SORBS2: variants seen among roughly 807,000 people sequenced by gnomAD.
SORBS2 encodes the protein sorbin and SH3 domain-containing protein 2.
Under a neutral mutation model 97.7 loss-of-function variants are expected in SORBS2, and 46 were observed. The observed-to-expected ratio is 0.47, with a 90% CI of 0.37 to 0.60. The LOEUF is 0.60. SORBS2 is among the 20% of genes least tolerant of loss of function. The pLI is 0.00. For missense variants in SORBS2, 1,316 were observed against 1,282.3 expected, an observed-to-expected ratio of 1.03 and a Z score of -0.40; for synonymous variants, 476 against 473.4, an observed-to-expected ratio of 1.01 and a Z score of -0.07.
rs752371446 is a variant in SORBS2 at position 185,646,622 on chromosome 4, G to A, written c.396+46C>T. Reference sequence around the variant, plus strand: ...AAATTCAGGTTTATTGGGGAGCCCTGGGAGCCCAGCGAGCTGGCATATTCT... The same window carrying A: ...AAATTCAGGTTTATTGGGGAGCCCTAGGAGCCCAGCGAGCTGGCATATTCT... On this transcript the variant is annotated intron_variant, in intron 4 of 14. Coordinates refer to ENST00000418609, the Ensembl canonical transcript of SORBS2. 41 of 1,228,296 alleles carry A rather than the reference G, an allele frequency of 3.3e-5. 1 individual carries two copies. In the East Asian group the frequency reaches 9.6e-4, roughly 29 times the overall value. The allele number at this position is 1,228,296 out of a possible 1,614,324, so 76.1% of individuals were successfully genotyped here.
At chr4:185,743,428 C>T (rs183116857) in intron 2 of SORBS2, among the ~76,000 whole-genome samples, 41 of 152,284 alleles carry the variant, frequency 2.7e-4, no homozygotes, top group African/African-American at 7.2e-4. Flanking sequence ...AATAGCCCTT[C>T]GGAAGCAAAA....
intron 2 of SORBS2, among the ~76,000 whole-genome samples, chr4:185,725,213 T>C (rs1231529853): frequency 6.6e-6 from 1 of 152,202 alleles, no homozygotes; most frequent in African/African-American, 2.4e-5. Flanking sequence ...CTAGAAACCA[T>C]CACAGCCTGC....
chr4:185,845,724 TA>T (rs1263560627), intron 1 of SORBS2, among the ~76,000 whole-genome samples: 6 of 151,910 alleles, frequency 3.9e-5, no homozygotes, highest in African/African-American at 1.5e-4. Flanking sequence ...CAACCCAATT[TA>T]AAAAAAGAAG....
chr4:185,791,838 T>C (rs1430417284), intron 1 of SORBS2, among the ~76,000 whole-genome samples: 1 of 152,166 alleles, frequency 6.6e-6, no homozygotes, highest in Non-Finnish European at 1.5e-5. Flanking sequence ...AGACTCTGGA[T>C]TCCTTTTAAA....
chr4:185,890,564 C>T (rs13132743), intron 1 of SORBS2, among the ~76,000 whole-genome samples: 6 of 152,306 alleles, frequency 3.9e-5, no homozygotes, highest in South Asian at 4.1e-4. Flanking sequence ...CACCCGCTTC[C>T]GGACTCCCCC....
At chr4:185,865,024 G>T (rs1053981455) in intron 1 of SORBS2, among the ~76,000 whole-genome samples, 2 of 152,056 alleles carry the variant, frequency 1.3e-5, no homozygotes, top group Non-Finnish European at 1.5e-5. Flanking sequence ...CGATGCTTTG[G>T]GCTCAATCTT....
At chr4:185,834,297 A>G (rs1387385174) in intron 1 of SORBS2, among the ~76,000 whole-genome samples, 2 of 152,144 alleles carry the variant, frequency 1.3e-5, no homozygotes, top group Admixed American at 1.3e-4. Flanking sequence ...ACCTCCCACC[A>G]GGCTCCACCT....
chr4:185,686,737 A>G (rs1466905583), intron 2 of SORBS2, among the ~76,000 whole-genome samples: 1 of 152,232 alleles, frequency 6.6e-6, no homozygotes, highest in Non-Finnish European at 1.5e-5. Flanking sequence ...TCACAAGCAC[A>G]TAGGTGAAAA....
chr4:185,792,381 C>T (rs936895415), intron 1 of SORBS2, among the ~76,000 whole-genome samples: 1 of 152,122 alleles, frequency 6.6e-6, no homozygotes, highest in Non-Finnish European at 1.5e-5. Flanking sequence ...GTAATCTCAG[C>T]TCCTCAGGAG....
chr4:185,707,599 G>T (rs2013570), intron 2 of SORBS2, among the ~76,000 whole-genome samples: 59,999 of 151,546 alleles, frequency 0.4, 13,696 homozygotes, highest in South Asian at 0.54. Context: ...TCACAATTCC[G>T]TGGTGGTAGT....
intron 2 of SORBS2, among the ~76,000 whole-genome samples, chr4:185,744,444 C>G (rs1165694173): frequency 6.6e-6 from 1 of 152,194 alleles, no homozygotes; most frequent in Non-Finnish European, 1.5e-5. Context: ...AGTCCATTGA[C>G]TATTTTAGAC....
intron 1 of SORBS2, among the ~76,000 whole-genome samples, chr4:185,867,926 T>C (rs1364990128): frequency 6.6e-6 from 1 of 151,902 alleles, no homozygotes; most frequent in Non-Finnish European, 1.5e-5. Context: ...ATAGCACAAA[T>C]AGTGTCCCAG....
At chr4:185,760,495 G>A (rs2098873215) in intron 2 of SORBS2, among the ~76,000 whole-genome samples, 1 of 152,198 alleles carries the variant, frequency 6.6e-6, no homozygotes, top group Non-Finnish European at 1.5e-5. Context: ...CCTGGGAGGC[G>A]GAGATTGCAG....
intron 1 of SORBS2, among the ~76,000 whole-genome samples, chr4:185,776,423 G>C (rs2098999886): frequency 6.6e-6 from 1 of 152,050 alleles, no homozygotes; most frequent in Admixed American, 6.6e-5. Context: ...CACCACCAGG[G>C]AGGAAAATTA....
chr4:185,865,612 T>A (rs536168792), intron 1 of SORBS2, among the ~76,000 whole-genome samples: 1 of 152,342 alleles, frequency 6.6e-6, no homozygotes, highest in South Asian at 2.1e-4. Flanking sequence ...TTCAAGAACA[T>A]CCTTCCTAAA....
intron 2 of SORBS2, among the ~76,000 whole-genome samples, chr4:185,752,345 G>A (rs1246059759): frequency 6.6e-6 from 1 of 152,076 alleles, no homozygotes; most frequent in Non-Finnish European, 1.5e-5. Flanking sequence ...GCACGATCTT[G>A]GCTCACTGCA....
intron 4 of SORBS2, 72 bp from the exon 16 acceptor site, chr4:185,635,483 G>T: frequency 1.8e-6 from 2 of 1,112,734 alleles, no homozygotes; most frequent in Non-Finnish European, 2.7e-6. Context: ...AGCAAGGAAT[G>T]AACATGTGGA....
intron 1 of SORBS2, among the ~76,000 whole-genome samples, chr4:185,857,750 A>C (rs904363676): frequency 1.3e-5 from 2 of 152,170 alleles, no homozygotes; most frequent in African/African-American, 4.8e-5. Flanking sequence ...TATACGGTTG[A>C]GATAAGGGAT....
chr4:185,828,808 C>A (rs920811251), intron 1 of SORBS2, among the ~76,000 whole-genome samples: 4 of 152,090 alleles, frequency 2.6e-5, no homozygotes, highest in African/African-American at 9.7e-5. Flanking sequence ...GCAGGTCAGG[C>A]GATTCAAGTC....
Sources: allele counts gnomAD v4.1 joint callset (sites outside exome capture counted in the v4.1 genomes callset), GRCh38; gene constraint gnomAD v4.1.1; transcripts MANE v1.5; gene names NCBI Gene and HGNC (gene_info 2026-07-23, HGNC 2026-07-21).